ZNF423: variants seen among roughly 807,000 people sequenced by gnomAD.
ZNF423 encodes the protein Ebf-associated zinc finger protein.
A neutral mutation model predicts 95.8 loss-of-function variants in ZNF423; 12 were observed. The observed-to-expected ratio is 0.13, with a 90% CI of 0.08 to 0.20. ZNF423 has a LOEUF of 0.20. Ranked by LOEUF, ZNF423 falls within the 10% of genes least tolerant of loss-of-function variation. The probability of loss-of-function intolerance (pLI) is 1.00; values close to 1 mark genes in which losing one functional copy is unlikely to be tolerated. For synonymous variants in ZNF423, 749 were observed against 711.9 expected (o/e 1.05, Z -0.83); for missense variants, 1,316 against 1,737.1 (o/e 0.76, Z 4.31).
intron 3 of ZNF423, among the ~76,000 whole-genome samples, chr16:49,686,156 G>A (rs1371268951): frequency 1.3e-5 from 2 of 152,196 alleles, no homozygotes; most frequent in East Asian, 1.9e-4. Context: ...AGCTCCACAG[G>A]GGGAGAGTCC....
chr16:49,554,093 G>C (rs1432453828), intron 5 of ZNF423, among the ~76,000 whole-genome samples: 1 of 152,114 alleles, frequency 6.6e-6, no homozygotes, highest in Non-Finnish European at 1.5e-5. Context: ...CACTGGCACT[G>C]GGCAGACTTA....
At chr16:49,641,037 T>C (rs909176859) in intron 3 of ZNF423, among the ~76,000 whole-genome samples, 2 of 152,172 alleles carry the variant, frequency 1.3e-5, no homozygotes, top group Non-Finnish European at 2.9e-5. Context: ...ACTGGCTTCT[T>C]ATTATTTTGA....
intron 5 of ZNF423, among the ~76,000 whole-genome samples, chr16:49,582,048 C>G (rs545400313): frequency 4.4e-4 from 67 of 152,324 alleles, no homozygotes; most frequent in African/African-American, 1.5e-3. Context: ...GTTGCACCTA[C>G]TCTGTCTGCA....
chr16:49,556,734 G>C (rs767135732), intron 5 of ZNF423, among the ~76,000 whole-genome samples: 1 of 152,180 alleles, frequency 6.6e-6, no homozygotes, highest in Non-Finnish European at 1.5e-5. Context: ...TAAATGCCTC[G>C]TGTACTTATA....
chr16:49,844,533 G>C (rs1037832747), intron 1 of ZNF423, among the ~76,000 whole-genome samples: 3 of 152,146 alleles, frequency 2.0e-5, no homozygotes, highest in African/African-American at 7.2e-5. Context: ...GGCCCACAAA[G>C]ACTGACTCTC....
At chr16:49,630,339 T>C (rs1972455247) in intron 4 of ZNF423, among the ~76,000 whole-genome samples, 1 of 152,192 alleles carries the variant, frequency 6.6e-6, no homozygotes, top group African/African-American at 2.4e-5. Flanking sequence ...CCATCCCTTC[T>C]GTCTCACATG....
intron 1 of ZNF423, among the ~76,000 whole-genome samples, chr16:49,792,146 G>C (rs1411570721): frequency 1.3e-5 from 2 of 151,816 alleles, no homozygotes; most frequent in African/African-American, 2.4e-5. Context: ...GTCATCTGCA[G>C]GTATCAGGGC....
rs1283471091 is a variant in ZNF423 at position 49,490,455 on chromosome 16, A to G, written c.*820T>C. 2.0e-5 allele frequency: 3 copies of G among 152,250 alleles called. No individual in the cohort carries two copies. The highest frequency in any genetic ancestry group is 1.3e-4 in the Admixed American group (2 of 15,278). 9.4% of individuals were successfully genotyped at this position (152,250 alleles called of 1,614,324 possible). A position where few individuals can be genotyped will look rare whatever the true frequency, so the allele number is the denominator to read the frequency against. Reference sequence around the variant, plus strand: ...AGTCTGCATGCATTAGGTTACTACGATTCTTTTCCAAGGGGAGCAGGGTCT... The same window carrying G: ...AGTCTGCATGCATTAGGTTACTACGGTTCTTTTCCAAGGGGAGCAGGGTCT... On this transcript the variant is annotated 3_prime_UTR_variant, in exon 8 of 8. Transcript: ENST00000563137.
chr16:49,665,328 G>C (rs2030483912), intron 3 of ZNF423, among the ~76,000 whole-genome samples: 1 of 152,226 alleles, frequency 6.6e-6, no homozygotes, highest in African/African-American at 2.4e-5. Flanking sequence ...GAGGGTAGGA[G>C]GGTGAGCCAC....
At chr16:49,811,164 A>G (rs1197130791) in intron 1 of ZNF423, among the ~76,000 whole-genome samples, 2 of 152,116 alleles carry the variant, frequency 1.3e-5, no homozygotes, top group African/African-American at 2.4e-5. Context: ...AAAGATTTCA[A>G]GAAGAAACAG....
chr16:49,724,549 C>T (rs1403734848), intron 3 of ZNF423, among the ~76,000 whole-genome samples: 1 of 152,222 alleles, frequency 6.6e-6, no homozygotes, highest in Admixed American at 6.5e-5. Context: ...GTCAGTAAGG[C>T]AGGGAGCCCC....
intron 5 of ZNF423, among the ~76,000 whole-genome samples, chr16:49,589,539 G>A (rs932802569): frequency 6.6e-6 from 1 of 152,102 alleles, no homozygotes; most frequent in East Asian, 1.9e-4. Flanking sequence ...GTGAATATAT[G>A]CTTCATAGCT....
At chr16:49,705,818 G>A (rs1268761204) in intron 3 of ZNF423, among the ~76,000 whole-genome samples, 1 of 152,194 alleles carries the variant, frequency 6.6e-6, no homozygotes. Flanking sequence ...AAAGTGCTGG[G>A]ATTACAGGCA....
rs1323705457 is a variant in ZNF423, at chr16:49,640,266, C to A, written c.302-1392G>T. On this transcript the variant is annotated intron_variant, in intron 3 of 7. Transcript: ENST00000563137. ...TGCTCCCAGCACGGGTGAACACTGG[C>A]ACACAGATGCGCATACACACGCCTA... Among the ~76,000 whole-genome samples, 5 of 152,128 alleles carry A rather than the reference C, an allele frequency of 3.3e-5. No individual in the cohort carries two copies. In the East Asian group the frequency reaches 9.7e-4, roughly 29 times the overall value.
At chr16:49,588,135 G>A (rs181174278) in intron 5 of ZNF423, among the ~76,000 whole-genome samples, 36 of 152,314 alleles carry the variant, frequency 2.4e-4, no homozygotes, top group Admixed American at 2.0e-3. Flanking sequence ...GATGGCATGA[G>A]AGGAAAACTA....
intron 3 of ZNF423, among the ~76,000 whole-genome samples, chr16:49,727,484 C>T (rs1269682660): frequency 4.0e-5 from 6 of 151,346 alleles, no homozygotes; most frequent in African/African-American, 1.5e-4. Context: ...CCCCCAATCT[C>T]CCCCTCAACA....
At chr16:49,548,627 G>C (rs1472721843) in intron 5 of ZNF423, among the ~76,000 whole-genome samples, 1 of 152,190 alleles carries the variant, frequency 6.6e-6, no homozygotes, top group African/African-American at 2.4e-5. Context: ...AAAGAGAAGG[G>C]GAGAGAGACG....
intron 2 of ZNF423, among the ~76,000 whole-genome samples, chr16:49,765,502 G>A (rs1426864358): frequency 1.3e-5 from 2 of 151,938 alleles, no homozygotes; most frequent in South Asian, 2.1e-4. Context: ...CTTGATCCCA[G>A]GAGTTTGAGA....
At chr16:49,624,224 A>G (rs1315876671) in intron 5 of ZNF423, among the ~76,000 whole-genome samples, 2 of 152,136 alleles carry the variant, frequency 1.3e-5, no homozygotes, top group African/African-American at 4.8e-5. Flanking sequence ...TCCTATAATC[A>G]CAATAAAATC....
Sources: gnomAD v4.1 joint callset for allele counts (sites outside exome capture counted in the v4.1 genomes callset) on GRCh38, gnomAD v4.1.1 for gene constraint, MANE v1.5 for transcripts, NCBI Gene and HGNC (gene_info 2026-07-23, HGNC 2026-07-21) for gene names.